The following RSF1 variants were observed in gnomAD, a reference collection of about 807,000 sequenced individuals.
The protein encoded by RSF1 is HBV pX-associated protein 8.
RSF1 carries 13 observed loss-of-function variants against 145.2 expected under a neutral mutation model. The observed-to-expected ratio is 0.09, with a 90% CI of 0.06 to 0.14. The LOEUF (loss-of-function observed/expected upper bound fraction) is 0.14. Ranked by LOEUF, RSF1 falls within the 10% of genes least tolerant of loss-of-function variation. RSF1 has a pLI of 1.00. For missense variants in RSF1, 1,517 were observed against 1,718.2 expected (o/e 0.88, Z 2.07); for synonymous variants, 577 against 592.6 (o/e 0.97, Z 0.38).
chr11:77,813,419 G>T, intron 1 of RSF1: 2 of 1,220,726 alleles, frequency 1.6e-6, no homozygotes, highest in Non-Finnish European at 2.4e-6. Flanking sequence ...TCAATGAGTC[G>T]CTTGTGGATT....
chr11:77,674,845 C>A (rs966556095), intron 14 of RSF1, among the ~76,000 whole-genome samples, 191 bp downstream of exon 14: 1 of 152,014 alleles, frequency 6.6e-6, no homozygotes, highest in Admixed American at 6.5e-5. Context: ...ACTAAAAATA[C>A]AAAATTAGCC....
At chr11:77,667,607 T>A (rs938189566) in intron 15 of RSF1, 116 bp from the exon 16 acceptor site, 24 of 886,342 alleles carry the variant, frequency 2.7e-5, no homozygotes, top group Non-Finnish European at 3.7e-5. Context: ...TGTACCTAAA[T>A]GTTTCCTTTC....
chr11:77,823,619 CTCAAAAAAAAA>C, upstream of RSF1, among the ~76,000 whole-genome samples: 1 of 56,662 alleles, frequency 1.8e-5, no homozygotes, highest in Admixed American at 2.7e-4. Flanking sequence ...TACACCCTGT[CTCAAAAAAAAA>C]AAAAAAAAAA....
At position 77,661,759 on chromosome 11, in the gene RSF1, A is replaced by G. The variant is rs1959237184; in HGVS notation, c.*5158T>C. On this transcript the variant is annotated 3_prime_UTR_variant, in exon 16 of 16. Coordinates refer to ENST00000308488, the MANE Select transcript of RSF1 (RefSeq NM_016578.4). ...AAAAAAGGTGACTCTCAAGCAAAAT[A>G]AACTTTTTTTTTTTTTTTGCAACAT... 1 of 145,360 alleles carries G rather than the reference A, an allele frequency of 6.9e-6. No homozygotes were observed. The highest frequency in any genetic ancestry group is 7.0e-5 in the Admixed American group (1 of 14,352). The allele number at this position is 145,360 out of a possible 1,614,324, so 9.0% of individuals were successfully genotyped here. A position where few individuals can be genotyped will look rare whatever the true frequency, so the allele number is the denominator to read the frequency against.
At chr11:77,822,833 T>C (rs528992548), upstream of RSF1, among the ~76,000 whole-genome samples, 119 of 152,334 alleles carry the variant, frequency 7.8e-4, no homozygotes, top group African/African-American at 2.8e-3. Flanking sequence ...ACTGTAAATG[T>C]ACTTAATGCC....
rs765666350 is a variant in RSF1, at chr11:77,675,018, G to A, written c.3562+18C>T. On this transcript the variant is annotated intron_variant, in intron 14 of 15. Transcript: ENST00000308488. ...AAATAATTTATTGAGCTACCATATG[G>A]TTACAGATTATTTTTACCAGAGTCT... The A allele has an allele frequency of 7.0e-6, 11 of 1,560,300 alleles. No individual in the cohort carries two copies. Among genetic ancestry groups the A allele is most frequent in the Non-Finnish European group, 8.7e-7 (1 of 1,149,592 alleles).
At chr11:77,767,982 G>A (rs1948243474) in intron 1 of RSF1, among the ~76,000 whole-genome samples, 1 of 152,068 alleles carries the variant, frequency 6.6e-6, no homozygotes, top group African/African-American at 2.4e-5. Context: ...TGTATTACTT[G>A]ATTTAAAAGA....
chr11:77,722,043 G>A (rs1328198229), intron 5 of RSF1, among the ~76,000 whole-genome samples: 5 of 152,100 alleles, frequency 3.3e-5, no homozygotes, highest in African/African-American at 7.2e-5. Flanking sequence ...AGCCAGGCAT[G>A]GTGGCGCACA....
Position 77,664,373 on chromosome 11 carries a change from C to G in RSF1, c.*2544G>C, listed in dbSNP as rs574789908. On this transcript the variant is annotated 3_prime_UTR_variant, in exon 16 of 16. Coordinates refer to ENST00000308488, the MANE Select transcript of RSF1 (RefSeq NM_016578.4). ...ACACTTATTCAAGTTTGGTAAATAT[C>G]AGGCAGCACAGCACAAGTGGTCTCC... 3 of 152,174 alleles carry G rather than the reference C, an allele frequency of 2.0e-5. No individual in the cohort carries two copies. The highest frequency in any genetic ancestry group is 4.4e-5 in the Non-Finnish European group (3 of 68,038). The allele number at this position is 152,174 out of a possible 1,614,324, so 9.4% of individuals were successfully genotyped here.
chr11:77,811,666 A>G (rs1271623307), intron 1 of RSF1, among the ~76,000 whole-genome samples: 2 of 152,224 alleles, frequency 1.3e-5, no homozygotes, highest in African/African-American at 4.8e-5. Flanking sequence ...AACCTTTCAC[A>G]TCTTCAGAGA....
chr11:77,734,548 C>T, intron 4 of RSF1: 1 of 1,560,982 alleles, frequency 6.4e-7, no homozygotes, highest in Non-Finnish European at 8.7e-7. Context: ...TTCGAGTGCT[C>T]CCATCTTGTG....
At chr11:77,780,921 G>C (rs1378245376) in intron 1 of RSF1, among the ~76,000 whole-genome samples, 2 of 151,608 alleles carry the variant, frequency 1.3e-5, no homozygotes, top group Non-Finnish European at 2.9e-5. Context: ...GGAAACCATT[G>C]ATCTGTTTTC....
At chr11:77,741,203 G>C (rs1590861440) in intron 3 of RSF1, among the ~76,000 whole-genome samples, 3 of 152,116 alleles carry the variant, frequency 2.0e-5, no homozygotes, top group Admixed American at 2.0e-4. Flanking sequence ...CAAAAGGAAT[G>C]AGCCCGTTTG....
intron 1 of RSF1, 122 bp downstream of exon 1, chr11:77,820,406 G>C: frequency 3.8e-6 from 4 of 1,063,656 alleles, no homozygotes; most frequent in Non-Finnish European, 5.3e-6. Context: ...GCGGAGTTGC[G>C]TCCCAGGGGG....
At chr11:77,870,558 T>G in the RSF1 span, among the ~76,000 whole-genome samples, 2 of 151,954 alleles carry the variant, frequency 1.3e-5, no homozygotes, top group Non-Finnish European at 2.9e-5. Flanking sequence ...AGGATGGTCT[T>G]GATCTCCTGA....
intron 5 of RSF1, among the ~76,000 whole-genome samples, chr11:77,704,752 G>GTTTT: frequency 8.1e-6 from 1 of 123,552 alleles, no homozygotes. Flanking sequence ...TGTTTGCCTT[G>GTTTT]GTTTTTTTTT....
chr11:77,733,970 ATCT>A (rs1363141201), intron 4 of RSF1, among the ~76,000 whole-genome samples: 2 of 152,044 alleles, frequency 1.3e-5, no homozygotes, highest in Non-Finnish European at 2.9e-5. Context: ...CTGTACTTTT[ATCT>A]TCTTTCATTG....
chr11:77,798,270 A>G (rs372535099), intron 1 of RSF1, among the ~76,000 whole-genome samples: 20 of 152,134 alleles, frequency 1.3e-4, no homozygotes, highest in African/African-American at 4.6e-4. Flanking sequence ...ATGTCCATCA[A>G]TGATAGGCTG....
chr11:77,853,362 A>G, the RSF1 span, among the ~76,000 whole-genome samples: 2 of 152,194 alleles, frequency 1.3e-5, no homozygotes, highest in Non-Finnish European at 2.9e-5. Flanking sequence ...ACTTACAATC[A>G]TGGCAGAAGG....
Sources: allele counts gnomAD v4.1 joint callset (sites outside exome capture counted in the v4.1 genomes callset), GRCh38; gene constraint gnomAD v4.1.1; transcripts MANE v1.5; gene names NCBI Gene and HGNC (gene_info 2026-07-23, HGNC 2026-07-21).